The following BTBD8 variants were observed in gnomAD, a reference collection of about 807,000 sequenced individuals.
BTBD8 encodes BTB domain containing 8.
In BTBD8, 110 loss-of-function variants were observed where a neutral mutation model predicts 162.9. The observed-to-expected ratio is 0.68, with a 90% CI of 0.58 to 0.79. The LOEUF is 0.79. Among genes scored for constraint, BTBD8 ranks in the 30% least tolerant of loss-of-function variants. The probability of loss-of-function intolerance (pLI) is 0.00; values close to 1 mark genes in which losing one functional copy is unlikely to be tolerated. For synonymous variants in BTBD8, 667 were observed against 716.1 expected (o/e 0.93, Z 1.10); for missense variants, 1,905 against 2,085.4 (o/e 0.91, Z 1.68).
chr1:92,175,307 C>T (rs1165192030), intron 13 of BTBD8, among the ~76,000 whole-genome samples: 3 of 151,536 alleles, frequency 2.0e-5, no homozygotes, highest in African/African-American at 7.3e-5. Context: ...GGTGAAACCC[C>T]GTCTCTACTA....
chr1:92,122,610 C>G (rs568068746), intron 4 of BTBD8, among the ~76,000 whole-genome samples: 2 of 151,854 alleles, frequency 1.3e-5, no homozygotes, highest in East Asian at 2.0e-4. Context: ...GTAGCCCAGG[C>G]TGGAGTGCAG....
Position 92,147,192 on chromosome 1 carries a change from A to G in BTBD8, c.943A>G (p.Thr315Ala), listed in dbSNP as rs1025425376. Residue 315 changes from threonine to alanine, a missense_variant, in exon 8 of 18, where the codon ACA (threonine) becomes GCA (alanine). By Grantham distance (58) the Thr-to-Ala change is moderately conservative (BLOSUM62 0). Transcript: ENST00000636805. ...CCATCAATTTTAGCCTGTTCCCAGA[A>G]CATTGACGTCTATACTAGAATGCCT... ...CNFFQKPVPR[T>A]LTSILECLII... The G allele has an allele frequency of 6.2e-7, 1 of 1,606,780 alleles. No homozygotes were observed. Among genetic ancestry groups the G allele is most frequent in the African/African-American group, 1.3e-5 (1 of 74,742 alleles).
At position 92,177,832 on chromosome 1, in the gene BTBD8, C is replaced by T. The variant is rs543312948; in HGVS notation, c.2375C>T (p.Ser792Leu). The change falls in exon 15 of 18, where the codon TCA becomes TTA. Residue 792 changes from serine (S) to leucine (L), a missense_variant. Around this residue, in one of 3 missense-constraint regions of BTBD8, gnomAD observed 1,374 missense variants for 1,442.7 expected, o/e 0.95. Transcript: ENST00000636805. ...ATAGCCATAAAATCTCGACCTGTTT[C>T]AAGAGTTACCAATGGAACTTCCAAT... ...STVAIKSRPV[S>L]RVTNGTSNKK... 258 of 1,539,926 alleles carry T rather than the reference C, an allele frequency of 1.7e-4. 1 individual carries two copies. Among genetic ancestry groups the T allele is most frequent in the Non-Finnish European group, 2.2e-4 (246 of 1,137,108 alleles).
intron 3 of BTBD8, among the ~76,000 whole-genome samples, chr1:92,103,651 C>T (rs1416173914): frequency 6.6e-6 from 1 of 152,164 alleles, no homozygotes; most frequent in Non-Finnish European, 1.5e-5. Flanking sequence ...CAGATCTTCC[C>T]ATTCTCCTCT....
chr1:92,082,927 C>G (rs1648058837), intron 1 of BTBD8, among the ~76,000 whole-genome samples: 1 of 152,090 alleles, frequency 6.6e-6, no homozygotes, highest in Non-Finnish European at 1.5e-5. Flanking sequence ...ACTTACTTCT[C>G]TCATGAATCC....
intron 4 of BTBD8, among the ~76,000 whole-genome samples, chr1:92,127,552 T>TTTTGTTTGTTTG (rs71586734): frequency 6.7e-6 from 1 of 149,928 alleles, no homozygotes; most frequent in African/African-American, 2.5e-5. Flanking sequence ...TTTTGGAAGT[T>TTTTGTTTGTTTG]TTTGTTTGTT....
intron 12 of BTBD8, among the ~76,000 whole-genome samples, chr1:92,169,326 G>C (rs555912194): frequency 6.6e-6 from 1 of 152,104 alleles, no homozygotes; most frequent in African/African-American, 2.4e-5. Context: ...ACAGAGTATC[G>C]AACATACTTT....
rs994089046 is a variant in BTBD8 at position 92,184,674 on chromosome 1, A to G, written c.*344A>G. The G allele has an allele frequency of 6.0e-6, 1 of 165,568 alleles. No individual in the cohort carries two copies. Among genetic ancestry groups the G allele is most frequent in the Non-Finnish European group, 1.3e-5 (1 of 76,288 alleles). The allele number at this position is 165,568 out of a possible 1,614,324, so 10.3% of individuals were successfully genotyped here. A position where few individuals can be genotyped will look rare whatever the true frequency, so the allele number is the denominator to read the frequency against. On this transcript the variant is annotated 3_prime_UTR_variant, in exon 18 of 18. Transcript: ENST00000636805. ...TCAGTCCCTTTACTTTTTGCTCTGC[A>G]TAGGGTAACATAGTAATTTAACAAT... is the stretch of plus-strand genomic sequence containing the variant.
chr1:92,080,733 G>C lies in BTBD8; in HGVS notation c.149+13G>C. On this transcript the variant is annotated intron_variant, in intron 1 of 17. Coordinates refer to ENST00000636805, the MANE Select transcript of BTBD8 (RefSeq NM_001376131.1). ...AGGATTTGCTCAGGTAGGAGGAGGC[G>C]GGAACTCTGGCTGCTTCAGTTCCTA... The C allele has an allele frequency of 2.5e-6, 4 of 1,603,638 alleles. No homozygotes were observed. Among genetic ancestry groups the C allele is most frequent in the Non-Finnish European group, 3.4e-6 (4 of 1,176,062 alleles).
Position 92,080,669 on chromosome 1 carries a change from GGC to G in BTBD8, c.101_102del (p.Arg34ProfsTer48), listed in dbSNP as rs1337551246. On this transcript the variant is annotated frameshift_variant, in exon 1 of 18. Coordinates refer to ENST00000636805, the MANE Select transcript of BTBD8 (RefSeq NM_001376131.1). LOFTEE classifies it high-confidence loss of function. The stretch of plus-strand genomic sequence containing the variant: ...TTGCAAAGGAAGGGGCCGTGTGAGC[GGC>G]GCCGGCTGAAGGCGACGGTGTCGGA... The G allele has an allele frequency of 8.1e-6, 13 of 1,613,194 alleles. No individual in the cohort carries two copies. Among genetic ancestry groups the G allele is most frequent in the Non-Finnish European group, 9.3e-6 (11 of 1,179,708 alleles).
chr1:92,141,984 A>AT (rs1557454458), intron 7 of BTBD8, among the ~76,000 whole-genome samples: 2 of 152,140 alleles, frequency 1.3e-5, no homozygotes, highest in Admixed American at 1.3e-4. Context: ...TTAAATTTAG[A>AT]TTTTTGTTTT....
At chr1:92,131,683 C>T (rs1649519298) in intron 5 of BTBD8, among the ~76,000 whole-genome samples, 1 of 149,852 alleles carries the variant, frequency 6.7e-6, no homozygotes, top group Admixed American at 6.6e-5. Flanking sequence ...GAGATCGTGC[C>T]ACTGCACTCC....
At chr1:92,150,668 G>T (rs1000840814) in intron 9 of BTBD8, 2 of 152,170 alleles carry the variant, frequency 1.3e-5, no homozygotes, top group African/African-American at 4.8e-5. Context: ...CCCTGGACAG[G>T]ATACCATTCC....
intron 10 of BTBD8, 109 bp downstream of exon 10, chr1:92,167,249 A>C: frequency 7.6e-7 from 1 of 1,324,258 alleles, no homozygotes; most frequent in Non-Finnish European, 1.0e-6. Flanking sequence ...AATGTGATTT[A>C]AATAAACTCC....
chr1:92,139,473 G>C, intron 6 of BTBD8, 43 bp downstream of exon 6: 1 of 1,579,464 alleles, frequency 6.3e-7, no homozygotes, highest in Non-Finnish European at 8.6e-7. Flanking sequence ...AAAGAGTTAG[G>C]TTCTGCTTTG....
At chr1:92,102,152 G>GA (rs1212611496) in intron 2 of BTBD8, among the ~76,000 whole-genome samples, 2 of 152,070 alleles carry the variant, frequency 1.3e-5, no homozygotes, top group African/African-American at 4.8e-5. Flanking sequence ...CTCCCAAGCA[G>GA]CTTACAGACA....
At chr1:92,169,791 A>G (rs188465621) in intron 12 of BTBD8, among the ~76,000 whole-genome samples, 118 of 152,334 alleles carry the variant, frequency 7.7e-4, no homozygotes, top group African/African-American at 2.7e-3. Context: ...ATGCATAAAT[A>G]TTTAAATTCT....
At chr1:92,128,513 C>T (rs1649422685) in intron 4 of BTBD8, among the ~76,000 whole-genome samples, 1 of 152,002 alleles carries the variant, frequency 6.6e-6, no homozygotes, top group African/African-American at 2.4e-5. Context: ...CTCCTGACCT[C>T]GTGATCTGCC....
Position 92,123,776 on chromosome 1 carries a change from C to CAAA in BTBD8, c.663-5893_663-5891dup, listed in dbSNP as rs529220915. ...TGGGCGACAGAGCAAGACTCCGTCT[C>CAAA]AAAAAAAAAAAAAAAAAAAAGAAAA... On this transcript the variant is annotated intron_variant, in intron 4 of 17. Transcript: ENST00000636805. Among the ~76,000 whole-genome samples the CAAA allele has an allele frequency of 5.0e-3, 420 of 83,996 alleles. 18 individuals are homozygous for CAAA. The highest frequency in any genetic ancestry group is 0.017 in the African/African-American group (372 of 21,268). The allele number at this position is 83,996 out of a possible 152,430, so 55.1% of individuals were successfully genotyped here.
Sources: gnomAD v4.1 joint callset for allele counts (sites outside exome capture counted in the v4.1 genomes callset) on GRCh38, gnomAD v4.1.1 for gene constraint, gnomAD v4.1.1 regional missense constraint, MANE v1.5 for transcripts, NCBI Gene and HGNC (gene_info 2026-07-23, HGNC 2026-07-21) for gene names.